FBRSL1: variants seen among roughly 807,000 people sequenced by gnomAD.
The protein encoded by FBRSL1 is fibrosin-1-like protein.
In FBRSL1, 51 loss-of-function variants were observed where a neutral mutation model predicts 89.6. The ratio of observed to expected loss-of-function variants is 0.57; its 90% CI spans 0.45 to 0.72. The LOEUF (loss-of-function observed/expected upper bound fraction) is 0.72. FBRSL1 is among the 30% of genes least tolerant of loss of function. The pLI is 0.00. For synonymous variants in FBRSL1, 779 were observed against 681.1 expected, an observed-to-expected ratio of 1.14 and a Z score of -2.24; for missense variants, 1,618 against 1,451.8, an observed-to-expected ratio of 1.11 and a Z score of -1.86.
At chr12:132,582,883 C>T in intron 18 of FBRSL1, 88 bp from the exon 19 acceptor site, 4 of 1,115,990 alleles carry the variant, frequency 3.6e-6, no homozygotes, top group Non-Finnish European at 4.6e-6. Flanking sequence ...AAACTGGAGG[C>T]CCCGACAAGC....
At chr12:132,559,984 C>T (rs1451472995) in intron 5 of FBRSL1, 2 of 147,764 alleles carry the variant, frequency 1.4e-5, no homozygotes, top group African/African-American at 4.9e-5. Flanking sequence ...GCGCCCGCCG[C>T]CTCGGGGCCC....
intron 6 of FBRSL1, among the ~76,000 whole-genome samples, chr12:132,569,497 A>G (rs2039862592): frequency 6.6e-6 from 1 of 152,250 alleles, no homozygotes; most frequent in South Asian, 2.1e-4. Flanking sequence ...GGGGCCGTGA[A>G]CATGAGGCCT....
At chr12:132,548,473 C>T (rs539494311) in intron 5 of FBRSL1, among the ~76,000 whole-genome samples, 2 of 152,324 alleles carry the variant, frequency 1.3e-5, no homozygotes, top group South Asian at 4.1e-4. Context: ...GGTAGATGCG[C>T]AGCCTATGAC....
At chr12:132,581,240 C>T (rs975829896) in intron 15 of FBRSL1, 199 bp from the exon 16 acceptor site, 2 of 981,206 alleles carry the variant, frequency 2.0e-6, no homozygotes, top group Middle Eastern at 5.2e-4. Flanking sequence ...CACTGCGGCT[C>T]CAAGTCAAAC....
At chr12:132,520,671 G>A (rs761000311) in intron 2 of FBRSL1, among the ~76,000 whole-genome samples, 1 of 152,222 alleles carries the variant, frequency 6.6e-6, no homozygotes, top group Non-Finnish European at 1.5e-5. Flanking sequence ...GCATCTGCCT[G>A]CAAGTCCCTG....
chr12:132,575,194 G>T (rs1002522971), intron 14 of FBRSL1, among the ~76,000 whole-genome samples: 2 of 152,214 alleles, frequency 1.3e-5, no homozygotes, highest in African/African-American at 2.4e-5. Context: ...TGTCCTAAAT[G>T]CCCTTTGGGA....
At chr12:132,507,402 G>T (rs1310818944) in intron 1 of FBRSL1, 2 of 985,544 alleles carry the variant, frequency 2.0e-6, no homozygotes, top group Non-Finnish European at 2.4e-6. Context: ...CTTACTAGTG[G>T]TTTATCGAGT....
chr12:132,522,030 C>A (rs1452640232), intron 2 of FBRSL1, among the ~76,000 whole-genome samples: 2 of 152,034 alleles, frequency 1.3e-5, no homozygotes, highest in East Asian at 3.9e-4. Flanking sequence ...TGTATGCAGC[C>A]AGCGTGGCCC....
intron 5 of FBRSL1, among the ~76,000 whole-genome samples, chr12:132,563,627 T>TA (rs952206365): frequency 1.3e-4 from 20 of 152,254 alleles, no homozygotes; most frequent in African/African-American, 4.6e-4. Context: ...TTACTGGCAG[T>TA]AAAATTCACC....
chr12:132,508,534 G>A (rs901649659), intron 2 of FBRSL1, among the ~76,000 whole-genome samples, 184 bp downstream of exon 2: 1 of 152,212 alleles, frequency 6.6e-6, no homozygotes, highest in Non-Finnish European at 1.5e-5. Flanking sequence ...GGCAGGAGCC[G>A]GCTGGGTCAC....
intron 4 of FBRSL1, among the ~76,000 whole-genome samples, chr12:132,541,085 G>A (rs1175296802): frequency 7.1e-6 from 1 of 139,968 alleles, no homozygotes; most frequent in African/African-American, 2.7e-5. Context: ...CAAATCCACT[G>A]TGAGCCTGGG....
chr12:132,570,347 C>T lies in FBRSL1; in HGVS notation c.1020C>T (p.Ser340=). The T allele has an allele frequency of 6.5e-7, 1 of 1,531,184 alleles. No homozygotes were observed. The highest frequency in any genetic ancestry group is 8.7e-7 in the Non-Finnish European group (1 of 1,144,260). The allele number at this position is 1,531,184 out of a possible 1,614,324, so 94.8% of individuals were successfully genotyped here. ...CCGTGTCCCGCAGCAGGAGCAGCAG[C>T]GCCCCCCTGGGCCTGGGGAAGCACG... ...NGLHGLSRSS[S]APLGLGKHVS... is the part of the protein sequence containing the mutation. Residue 340 remains serine, a synonymous_variant, in exon 8 of 19, where the codon AGC becomes AGT. Transcript: ENST00000680143.
chr12:132,500,338 A>G (rs575864645), intron 1 of FBRSL1, among the ~76,000 whole-genome samples: 1 of 152,250 alleles, frequency 6.6e-6, no homozygotes, highest in South Asian at 2.1e-4. Context: ...CACATGAGGA[A>G]CCTGACGCAC....
In FBRSL1 at chr12:132,585,120, CTGTT is replaced by C. The variant is rs2041041001; in HGVS notation, c.*1348_*1351del. 6.6e-6 allele frequency: 1 copy of C among 150,442 alleles called. No homozygotes were observed. Among genetic ancestry groups the C allele is most frequent in the African/African-American group, 2.5e-5 (1 of 39,770 alleles). The allele number at this position is 150,442 out of a possible 1,614,324, so 9.3% of individuals were successfully genotyped here. A position where few individuals can be genotyped will look rare whatever the true frequency, so the allele number is the denominator to read the frequency against. On this transcript the variant is annotated 3_prime_UTR_variant, in exon 19 of 19. Coordinates refer to ENST00000680143, the MANE Select transcript of FBRSL1 (RefSeq NM_001367871.1). ...TTCAGCCACATTTCCACGGTGGACCCTGTTTGTTTTAAATATTCTGTTCCCATGT... is the reference window on the plus strand; with the variant it reads ...TTCAGCCACATTTCCACGGTGGACCCTGTTTTAAATATTCTGTTCCCATGT...
intron 2 of FBRSL1, among the ~76,000 whole-genome samples, chr12:132,524,865 C>T (rs1371613262): frequency 6.6e-6 from 1 of 152,232 alleles, no homozygotes; most frequent in East Asian, 1.9e-4. Context: ...TAAATACATG[C>T]AGGGCTCGGG....
In FBRSL1 at chr12:132,527,935, C is replaced by T. The variant is rs1418734835; in HGVS notation, c.580-18C>T. 11 of 1,550,934 alleles carry T rather than the reference C, an allele frequency of 7.1e-6. No homozygotes were observed. Among genetic ancestry groups the T allele is most frequent in the African/African-American group, 1.4e-5 (1 of 72,958 alleles). ...CCGAGTGGCAGCCTCACTGACTGTC[C>T]CCTCTTCCTTCCTGCAGAGCTCTGC... On this transcript the variant is annotated intron_variant, in intron 3 of 18. Transcript: ENST00000680143.
rs372413796 is a variant in FBRSL1 at position 132,570,302 on chromosome 12, G to A, written c.1008-33G>A. On this transcript the variant is annotated intron_variant, in intron 7 of 18. Transcript: ENST00000680143. ...TCAGGATGGGGGCTCTGCAGGGGTC[G>A]GGCTGGCAGGCACTGAGCCCCGTGT... 649 of 1,519,190 alleles carry A rather than the reference G, an allele frequency of 4.3e-4. 2 individuals are homozygous for A. The highest frequency in any genetic ancestry group is 2.1e-3 in the East Asian group (83 of 39,958). 94.1% of individuals were successfully genotyped at this position (1,519,190 alleles called of 1,614,324 possible).
chr12:132,566,435 AC>A (rs1312050476), intron 5 of FBRSL1: 3 of 131,318 alleles, frequency 2.3e-5, no homozygotes, highest in Non-Finnish European at 4.8e-5. Context: ...AGAAGAAGAA[AC>A]TAGGAGGGAA....
intron 18 of FBRSL1, 59 bp downstream of exon 18, chr12:132,582,325 C>CA: frequency 1.4e-6 from 2 of 1,431,662 alleles, no homozygotes; most frequent in South Asian, 2.6e-5. Flanking sequence ...TCTTTCCCCC[C>CA]TCCCGTCATC....
Sources: gnomAD v4.1 joint callset for allele counts (sites outside exome capture counted in the v4.1 genomes callset) on GRCh38, gnomAD v4.1.1 for gene constraint, MANE v1.5 for transcripts, NCBI Gene and HGNC (gene_info 2026-07-23, HGNC 2026-07-21) for gene names.